Variants in KDM3A observed in about 807,000 individuals in gnomAD.
KDM3A encodes lysine-specific demethylase 3A.
A neutral mutation model predicts 158.0 loss-of-function variants in KDM3A; 60 were observed. The ratio of observed to expected loss-of-function variants is 0.38; its 90% CI spans 0.31 to 0.47. The LOEUF (loss-of-function observed/expected upper bound fraction) is 0.47, where lower values mean the gene tolerates loss of function less well. KDM3A is among the 20% of genes least tolerant of loss of function. The probability of loss-of-function intolerance (pLI) is 0.99; values close to 1 mark genes in which losing one functional copy is unlikely to be tolerated. For missense variants in KDM3A, 1,319 were observed against 1,574.3 expected, an observed-to-expected ratio of 0.84 and a Z score of 2.74; for synonymous variants, 608 against 549.3, an observed-to-expected ratio of 1.11 and a Z score of -1.49.
At chr2:86,452,919 T>C (rs1373816817) in intron 4 of KDM3A, among the ~76,000 whole-genome samples, 1 of 152,206 alleles carries the variant, frequency 6.6e-6, no homozygotes, top group African/African-American at 2.4e-5. Flanking sequence ...AGTTCTTGTG[T>C]TATACCCATC....
intron 10 of KDM3A, among the ~76,000 whole-genome samples, chr2:86,469,723 C>G (rs974214401): frequency 1.4e-4 from 21 of 152,204 alleles, no homozygotes; most frequent in African/African-American, 4.6e-4. Context: ...GAAAGTGATT[C>G]GTTTATTGTT....
Position 86,489,315 on chromosome 2 carries a change from C to T in KDM3A, c.3314-3C>T. 2 of 1,610,984 alleles carry T rather than the reference C, an allele frequency of 1.2e-6. No individual in the cohort carries two copies. Among genetic ancestry groups the T allele is most frequent in the Non-Finnish European group, 8.5e-7 (1 of 1,178,888 alleles). On this transcript the variant is annotated splice_polypyrimidine_tract_variant and splice_region_variant and intron_variant, in intron 21 of 25. Transcript: ENST00000312912. Reference sequence around the variant, plus strand: ...TAAAACTTAAGGCACTTTGTTTTTGCAGGATTAATCACTCCTGAAGATCGG... The same window carrying T: ...TAAAACTTAAGGCACTTTGTTTTTGTAGGATTAATCACTCCTGAAGATCGG...
chr2:86,441,995 A>G (rs1682740337), intron 1 of KDM3A, 23 bp from the exon 2 acceptor site: 3 of 1,395,178 alleles, frequency 2.2e-6, no homozygotes, highest in Admixed American at 1.8e-5. Context: ...CCCCCGTCGC[A>G]TTTTGTTTTT....
chr2:86,451,949 C>T lies in KDM3A; in HGVS notation c.453+736C>T, dbSNP rs190185913. On this transcript the variant is annotated intron_variant, in intron 4 of 25. Transcript: ENST00000312912. ...CATGCATACATATATACAAGCAATC[C>T]TCATTATTTGTAGATTCTATGTTTG... is the stretch of plus-strand genomic sequence containing the variant. 2.5e-3 allele frequency among the ~76,000 whole-genome samples: 378 copies of T among 152,246 alleles called. 2 individuals are homozygous for T. Among genetic ancestry groups the T allele is most frequent in the Non-Finnish European group, 4.1e-3 (276 of 68,020 alleles).
At chr2:86,463,318 G>A (rs1673000115) in intron 8 of KDM3A, among the ~76,000 whole-genome samples, 1 of 152,220 alleles carries the variant, frequency 6.6e-6, no homozygotes, top group Non-Finnish European at 1.5e-5. Flanking sequence ...ACCTGGTTCA[G>A]CCTTAGACTA....
At chr2:86,450,550 G>A (rs1672413368) in intron 3 of KDM3A, among the ~76,000 whole-genome samples, 2 of 152,202 alleles carry the variant, frequency 1.3e-5, no homozygotes, top group African/African-American at 4.8e-5. Context: ...AGAGAAGAGT[G>A]AGCGCTGTCT....
intron 14 of KDM3A, 38 bp downstream of exon 14, chr2:86,478,303 C>T: frequency 1.4e-6 from 2 of 1,441,824 alleles, no homozygotes; most frequent in South Asian, 2.3e-5. Flanking sequence ...TTCCCCTTGT[C>T]TTGGTTAACT....
Position 86,442,212 on chromosome 2 carries a change from C to T in KDM3A, c.165C>T (p.Asp55=). 3 of 1,611,274 alleles carry T rather than the reference C, an allele frequency of 1.9e-6. No individual in the cohort carries two copies. The highest frequency in any genetic ancestry group is 1.1e-5 in the South Asian group (1 of 90,888). The change falls in exon 2 of 26, where the codon GAC becomes GAT. Residue 55 remains aspartate (D), a synonymous_variant. Coordinates refer to ENST00000312912, the MANE Select transcript of KDM3A (RefSeq NM_018433.6). ...SGTIRAVSHT[D]VTKKDLKVCV... ...CCATTCGAGCTGTTTCCCACACCGA[C>T]GTTACCAAGAAGGATCTGAAGGTAC... is the stretch of plus-strand genomic sequence containing the variant.
Position 86,478,029 on chromosome 2 carries a change from G to C in KDM3A, c.2092G>C (p.Gly698Arg). The C allele has an allele frequency of 6.2e-7, 1 of 1,613,994 alleles. No individual in the cohort carries two copies. Among genetic ancestry groups the C allele is most frequent in the Non-Finnish European group, 8.5e-7 (1 of 1,179,990 alleles). Residue 698 changes from glycine to arginine, a missense_variant and splice_region_variant, in exon 13 of 26, where the codon GGT becomes CGT. Physicochemically the swap from Gly to Arg is moderately radical, Grantham distance 125. Transcript: ENST00000312912. ...GATGAAGAGAAAGAATTGCCAACAG[G>C]GTGAGAACCGATTTGATTCTCCTCC... ...YRMKRKNCQQ[G>R]AAYKTFSWLK...
upstream of KDM3A, among the ~76,000 whole-genome samples, chr2:86,439,866 G>A (rs1311583789): frequency 6.6e-6 from 1 of 151,856 alleles, no homozygotes; most frequent in Non-Finnish European, 1.5e-5. Context: ...CTTTCATTTG[G>A]CTACCATTTG....
chr2:86,485,790 A>C lies in KDM3A; in HGVS notation c.3244A>C (p.Asn1082His). ...GTACACAAGGCGAGATGGCAAACTG[A>C]ATTTGGCCTCTAGGCTGCCAAACTA... Reference protein sequence around the residue: ...PEYTRRDGKLNLASRLPNYFV... With the variant: ...PEYTRRDGKLHLASRLPNYFV... Residue 1082 changes from asparagine to histidine, a missense_variant, in exon 21 of 26, where the codon AAT becomes CAT. By Grantham distance (68) the Asn-to-His change is moderately conservative. Transcript: ENST00000312912. The C allele has an allele frequency of 6.2e-7, 1 of 1,614,176 alleles. No homozygotes were observed. The highest frequency in any genetic ancestry group is 8.5e-7 in the Non-Finnish European group (1 of 1,180,000).
rs773557473 is a variant in KDM3A at position 86,482,508 on chromosome 2, C to A, written c.2736C>A (p.Ala912=). The change falls in exon 18 of 26, where the codon GCC becomes GCA. Residue 912 remains alanine, a synonymous_variant. Transcript: ENST00000312912. ...CAAAAATCCTTGATGACATCTTTGC[C>A]TCTTTGGTGCAAAATAAGACGACTT... is the stretch of plus-strand genomic sequence containing the variant. ...NTPKILDDIF[A]SLVQNKTTSD... is the part of the protein sequence containing the mutation. 4 of 1,614,036 alleles carry A rather than the reference C, an allele frequency of 2.5e-6. No homozygotes were observed. In the South Asian group the frequency reaches 4.4e-5, roughly 18 times the overall value.
intron 11 of KDM3A, among the ~76,000 whole-genome samples, chr2:86,473,262 G>A (rs1459257936): frequency 1.3e-5 from 2 of 152,182 alleles, no homozygotes; most frequent in South Asian, 2.1e-4. Context: ...CTGTGCTCAA[G>A]TGATCCTCCC....
At chr2:86,455,615 C>T (rs1672656653) in intron 5 of KDM3A, among the ~76,000 whole-genome samples, 1 of 151,884 alleles carries the variant, frequency 6.6e-6, no homozygotes, top group Non-Finnish European at 1.5e-5. Flanking sequence ...GCTAAAACCT[C>T]TGAAATTTGG....
At chr2:86,438,605 A>G (rs1682530614), upstream of KDM3A, among the ~76,000 whole-genome samples, 1 of 152,090 alleles carries the variant, frequency 6.6e-6, no homozygotes, top group East Asian at 1.9e-4. Flanking sequence ...ATTGTACACC[A>G]TATAGTTTTA....
At chr2:86,440,738 C>A (rs1682653799), upstream of KDM3A, 1 of 152,262 alleles carries the variant, frequency 6.6e-6, no homozygotes, top group Non-Finnish European at 1.5e-5. Context: ...GCCTGCGCCT[C>A]CCGCAGCCAT....
At position 86,490,926 on chromosome 2, in the gene KDM3A, A is replaced by G; in HGVS notation, c.3619A>G (p.Ile1207Val). 1 of 1,613,812 alleles carries G rather than the reference A, an allele frequency of 6.2e-7. No homozygotes were observed. Among genetic ancestry groups the G allele is most frequent in the Non-Finnish European group, 8.5e-7 (1 of 1,179,804 alleles). ...AGAAAACCCAGCAGACCACGATCCT[A>G]TTCATGATCAAAGCTGGTATTTAGA... ...GQENPADHDP[I>V]HDQSWYLDRS... The change falls in exon 24 of 26, where the codon ATT becomes GTT. Residue 1207 changes from isoleucine (I) to valine (V), a missense_variant. By Grantham distance (29) the Ile-to-Val change is conservative (BLOSUM62 3). Transcript: ENST00000312912.
At chr2:86,450,827 C>T (rs1453235069) in intron 3 of KDM3A, among the ~76,000 whole-genome samples, 1 of 152,090 alleles carries the variant, frequency 6.6e-6, no homozygotes, top group African/African-American at 2.4e-5. Flanking sequence ...AGTGTGCATA[C>T]AAACAGTTTT....
At chr2:86,485,433 A>G (rs965548409) in intron 20 of KDM3A, among the ~76,000 whole-genome samples, 8 of 152,224 alleles carry the variant, frequency 5.3e-5, no homozygotes, top group African/African-American at 1.4e-4. Context: ...AACTTTGAAA[A>G]GGGTGTCACA....
Sources: allele counts gnomAD v4.1 joint callset (sites outside exome capture counted in the v4.1 genomes callset), GRCh38; gene constraint gnomAD v4.1.1; transcripts MANE v1.5; gene names NCBI Gene and HGNC (gene_info 2026-07-23, HGNC 2026-07-21).